The following SLC38A10 variants were observed in gnomAD, a reference collection of about 807,000 sequenced individuals.
SLC38A10 encodes the protein Sodium-coupled neutral amino acid transporter 10.
SLC38A10 carries 53 observed loss-of-function variants against 81.0 expected under a neutral mutation model. That is an observed-to-expected ratio of 0.65 (90% CI 0.53 to 0.82). SLC38A10 has a LOEUF of 0.82. Among genes scored for constraint, SLC38A10 ranks in the 40% least tolerant of loss-of-function variants. The probability of loss-of-function intolerance (pLI) is 0.00; values close to 1 mark genes in which losing one functional copy is unlikely to be tolerated. For missense variants in SLC38A10, 1,471 were observed against 1,545.0 expected (o/e 0.95, Z 0.80); for synonymous variants, 665 against 655.3 (o/e 1.01, Z -0.23).
rs745610886 is a variant in SLC38A10, at chr17:81,253,180, TCCTTCGGCA to T, written c.1340_1348del (p.Leu447_Glu450delinsGln). 1 of 1,613,846 alleles carries T rather than the reference TCCTTCGGCA, an allele frequency of 6.2e-7. No homozygotes were observed. The highest frequency in any genetic ancestry group is 1.1e-5 in the South Asian group (1 of 91,074). The stretch of plus-strand genomic sequence containing the variant: ...CTGGGCCTGCTCCAGCTCCTCTCTC[TCCTTCGGCA>T]GCTTCGGCTTCTCCCGGCCATCCTC... On this transcript the variant is annotated inframe_deletion, in exon 12 of 16. Coordinates refer to ENST00000374759, the MANE Select transcript of SLC38A10 (RefSeq NM_001037984.3). The surrounding 1 kb of genome is among the most constrained non-coding windows in gnomAD (Gnocchi z 4.1).
intron 6 of SLC38A10, among the ~76,000 whole-genome samples, chr17:81,280,381 C>G (rs1165789526): frequency 6.6e-6 from 1 of 152,202 alleles, no homozygotes; most frequent in Non-Finnish European, 1.5e-5. Flanking sequence ...CAGGGACTCT[C>G]ACCAGCTAGT....
intron 1 of SLC38A10, among the ~76,000 whole-genome samples, chr17:81,292,555 C>T (rs78635201): frequency 0.12 from 18,829 of 152,218 alleles, 1,144 homozygotes; most frequent in African/African-American, 0.14. Context: ...CTCCCTGCGC[C>T]CCAGTCCAAG....
rs2062944504 is a variant in SLC38A10 at position 81,253,759 on chromosome 17, ACCG to A, written c.1289-522_1289-520del. Among the ~76,000 whole-genome samples the A allele has an allele frequency of 2.1e-5, 2 of 94,562 alleles. No homozygotes were observed. The highest frequency in any genetic ancestry group is 9.4e-5 in the African/African-American group (2 of 21,354). The allele number at this position is 94,562 out of a possible 152,430, so 62.0% of individuals were successfully genotyped here. A position where few individuals can be genotyped will look rare whatever the true frequency, so the allele number is the denominator to read the frequency against. ...CCCTACCACCATCACCATCATCATC[ACCG>A]TCACCATCATCACCATCTCCATCCC... is the stretch of plus-strand genomic sequence containing the variant. On this transcript the variant is annotated intron_variant, in intron 11 of 15. Transcript: ENST00000374759. The surrounding 1 kb of genome is among the most constrained non-coding windows in gnomAD (Gnocchi z 4.1).
chr17:81,284,874 G>A lies in SLC38A10; in HGVS notation c.239C>T (p.Ala80Val). The change falls in exon 3 of 16, where the codon GCA becomes GTA. Residue 80 changes from alanine to valine, a missense_variant. Ala to Val is a moderately conservative substitution (Grantham distance 64). Coordinates refer to ENST00000374759, the MANE Select transcript of SLC38A10 (RefSeq NM_001037984.3). ...AGLAFHAYGKAGKMLVETSMI... is the reference protein window; with the variant it reads ...AGLAFHAYGKVGKMLVETSMI... ...CCTGGTCTCCACCAGCATCTTGCCT[G>A]CCTTCCCGTAGGCGTGGAATGCTAG... The A allele has an allele frequency of 1.3e-6, 2 of 1,545,442 alleles. No homozygotes were observed.
chr17:81,277,677 G>A lies in SLC38A10; in HGVS notation c.627-544C>T, dbSNP rs1057038280. On this transcript the variant is annotated intron_variant, in intron 6 of 15. Coordinates refer to ENST00000374759, the MANE Select transcript of SLC38A10 (RefSeq NM_001037984.3). The surrounding 1 kb of genome is among the most constrained non-coding windows in gnomAD (Gnocchi z 4.5). ...GCTTCGGTCCCACAGCCTGGTGCCA[G>A]GAGTGTGGTGCTGCTAGGGGTGGGA... Among the ~76,000 whole-genome samples, 6 of 152,268 alleles carry A rather than the reference G, an allele frequency of 3.9e-5. No homozygotes were observed. Among genetic ancestry groups the A allele is most frequent in the African/African-American group, 1.4e-4 (6 of 41,478 alleles).
chr17:81,257,099 G>A (rs2062980062), intron 11 of SLC38A10, among the ~76,000 whole-genome samples: 1 of 152,194 alleles, frequency 6.6e-6, no homozygotes, highest in Admixed American at 6.5e-5. Flanking sequence ...CCCTGCTGGA[G>A]CTCTCCTGCA....
At position 81,245,942 on chromosome 17, in the gene SLC38A10, C is replaced by G. The variant is rs746565852; in HGVS notation, c.2974G>C (p.Asp992His). 1 of 1,606,594 alleles carries G rather than the reference C, an allele frequency of 6.2e-7. No homozygotes were observed. The highest frequency in any genetic ancestry group is 1.1e-5 in the South Asian group (1 of 90,488). The change falls in exon 16 of 16, where the codon GAC (aspartate) becomes CAC (histidine). Residue 992 changes from aspartate (D) to histidine (H), a missense_variant. Physicochemically the swap from Asp to His is moderately conservative, Grantham distance 81 (BLOSUM62 -1). This residue lies in a region of SLC38A10 where 751 missense variants were observed against 717.4 expected (regional missense o/e 1.05). Coordinates refer to ENST00000374759, the MANE Select transcript of SLC38A10 (RefSeq NM_001037984.3). ...TGCTCGTGGGACACAGGCACATGGTCCCCCCCGCGGGCCTTTCTCATCTCC... is the reference window on the plus strand; with the variant it reads ...TGCTCGTGGGACACAGGCACATGGTGCCCCCCGCGGGCCTTTCTCATCTCC... Reference protein sequence around the residue: ...HLEMRKARGGDHVPVSHEQPR... With the variant: ...HLEMRKARGGHHVPVSHEQPR...
chr17:81,282,848 C>T lies in SLC38A10; in HGVS notation c.358-516G>A, dbSNP rs577162608. Reference sequence around the variant, plus strand: ...ATTCCACTCCTGGAGAGGACACCCCCGCCTCAGTGGCCTTTGAAAGCCTTT... The same window carrying T: ...ATTCCACTCCTGGAGAGGACACCCCTGCCTCAGTGGCCTTTGAAAGCCTTT... On this transcript the variant is annotated intron_variant, in intron 4 of 15. Coordinates refer to ENST00000374759, the MANE Select transcript of SLC38A10 (RefSeq NM_001037984.3). Among the ~76,000 whole-genome samples, 4 of 152,336 alleles carry T rather than the reference C, an allele frequency of 2.6e-5. No individual in the cohort carries two copies. The East Asian group carries it at 5.8e-4, about 22-fold the overall frequency.
At position 81,252,373 on chromosome 17, in the gene SLC38A10, G is replaced by C; in HGVS notation, c.1767C>G (p.Val589=). 1 of 1,613,172 alleles carries C rather than the reference G, an allele frequency of 6.2e-7. No homozygotes were observed. Among genetic ancestry groups the C allele is most frequent in the Middle Eastern group, 1.6e-4 (1 of 6,062 alleles). ...KVPEADGQPA[V]QPAKEDLGPG... ...GCCCCAGGTCCTCCTTTGCAGGCTG[G>C]ACAGCTGGCTGACCATCTGCTTCTG... The change falls in exon 13 of 16, where the codon GTC becomes GTG. Residue 589 remains valine (V), a synonymous_variant. Transcript: ENST00000374759.
intron 10 of SLC38A10, among the ~76,000 whole-genome samples, chr17:81,269,623 C>T (rs183013898): frequency 1.8e-3 from 267 of 152,310 alleles, no homozygotes; most frequent in Admixed American, 2.9e-3. Flanking sequence ...CCATAGGGAG[C>T]TCTGGGGTGC....
In SLC38A10 at chr17:81,291,902, C is replaced by T. The variant is rs976524618; in HGVS notation, c.100-2094G>A. Among the ~76,000 whole-genome samples, 5 of 152,312 alleles carry T rather than the reference C, an allele frequency of 3.3e-5. No individual in the cohort carries two copies. The East Asian group carries it at 7.7e-4, about 23-fold the overall frequency. On this transcript the variant is annotated intron_variant, in intron 1 of 15. Coordinates refer to ENST00000374759, the MANE Select transcript of SLC38A10 (RefSeq NM_001037984.3). The stretch of plus-strand genomic sequence containing the variant: ...CTCAGTTCAAACCAGGCAGCACCAC[C>T]GTGGCACACTAGGGGTCAGCAGTGT...
chr17:81,282,094 C>A lies in SLC38A10; in HGVS notation c.501+95G>T, dbSNP rs2063217568. On this transcript the variant is annotated intron_variant, in intron 5 of 15. Coordinates refer to ENST00000374759, the MANE Select transcript of SLC38A10 (RefSeq NM_001037984.3). ...CACATTCCCAGGAGGCAGCAGGCGG[C>A]CACACCAGACCTGGGCACGAGCCTG... is the stretch of plus-strand genomic sequence containing the variant. 5 of 1,554,262 alleles carry A rather than the reference C, an allele frequency of 3.2e-6. No homozygotes were observed. The Admixed American group carries it at 5.1e-5, about 16-fold the overall frequency.
Position 81,265,585 on chromosome 17 carries a change from AGT to A in SLC38A10, c.1132-5193_1132-5192del, listed in dbSNP as rs1567935014. On this transcript the variant is annotated intron_variant, in intron 10 of 15. Transcript: ENST00000374759. The surrounding 1 kb of genome is among the most constrained non-coding windows in gnomAD (Gnocchi z 4.2). ...TCCCTGTCCACCCCAGCATATCACCAGTTGTGGCTCTTCCTGAGGTCCCTGGG... is the reference window on the plus strand; with the variant it reads ...TCCCTGTCCACCCCAGCATATCACCATGTGGCTCTTCCTGAGGTCCCTGGG... 6.6e-6 allele frequency among the ~76,000 whole-genome samples: 1 copy of A among 152,080 alleles called. No homozygotes were observed. Among genetic ancestry groups the A allele is most frequent in the East Asian group, 1.9e-4 (1 of 5,190 alleles).
Position 81,280,715 on chromosome 17 carries a change from TGA to T in SLC38A10, c.518_519del (p.Leu173GlnfsTer47), listed in dbSNP as rs758178603. 1.3e-5 allele frequency: 21 copies of T among 1,613,108 alleles called. No individual in the cohort carries two copies. In the East Asian group the frequency reaches 3.8e-4, roughly 29 times the overall value. On this transcript the variant is annotated frameshift_variant, in exon 6 of 16. Coordinates refer to ENST00000374759, the MANE Select transcript of SLC38A10 (RefSeq NM_001037984.3). LOFTEE classifies it high-confidence loss of function. ...VFMFVIVLSS[L>X]KHGLFSGQWL... ...CACTGCCCACTGAAGAGGCCGTGCT[TGA>T]GAGAGGAGAGCACGATCTGCAGAGG...
intron 8 of SLC38A10, among the ~76,000 whole-genome samples, chr17:81,275,767 C>G (rs1181247993): frequency 6.6e-6 from 1 of 151,314 alleles, no homozygotes; most frequent in Non-Finnish European, 1.5e-5. Context: ...ACGCCATGTG[C>G]CCATCTCCAG....
intron 2 of SLC38A10, among the ~76,000 whole-genome samples, chr17:81,287,147 A>G (rs1047073396): frequency 3.3e-5 from 5 of 152,190 alleles, no homozygotes; most frequent in African/African-American, 1.2e-4. Flanking sequence ...AACACCAACA[A>G]AAAACGACAC....
rs370232927 is a variant in SLC38A10 at position 81,283,514 on chromosome 17, C to T, written c.264-12G>A. ...TCAGCCCGATCATGCTGCACAGGGA[C>T]GGGGGGTACGGGAAATGCCATCAGG... On this transcript the variant is annotated splice_polypyrimidine_tract_variant and intron_variant, in intron 3 of 15. Coordinates refer to ENST00000374759, the MANE Select transcript of SLC38A10 (RefSeq NM_001037984.3). The surrounding 1 kb of genome is among the most constrained non-coding windows in gnomAD (Gnocchi z 4.7). The T allele has an allele frequency of 1.9e-5, 30 of 1,598,646 alleles. No homozygotes were observed. The highest frequency in any genetic ancestry group is 2.7e-5 in the African/African-American group (2 of 74,468).
intron 10 of SLC38A10, among the ~76,000 whole-genome samples, chr17:81,266,481 T>G (rs906711936): frequency 6.6e-6 from 1 of 151,904 alleles, no homozygotes; most frequent in Non-Finnish European, 1.5e-5. Context: ...TAGCCGGGCA[T>G]GGTTGCAGGC....
chr17:81,253,441 G>A lies in SLC38A10; in HGVS notation c.1289-201C>T, dbSNP rs911452555. On this transcript the variant is annotated intron_variant, in intron 11 of 15. Coordinates refer to ENST00000374759, the MANE Select transcript of SLC38A10 (RefSeq NM_001037984.3). This position sits in a 1 kb window ranked among gnomAD's most constrained non-coding sequence, Gnocchi z 4.1. ...TCACAACAAAAATATGTCAAAATGC[G>A]ATTTACACCTAACTGGGGGCAGGGA... 2.0e-5 allele frequency among the ~76,000 whole-genome samples: 3 copies of A among 152,048 alleles called. No homozygotes were observed. Among genetic ancestry groups the A allele is most frequent in the South Asian group, 2.1e-4 (1 of 4,828 alleles).
Sources: allele counts gnomAD v4.1 joint callset (sites outside exome capture counted in the v4.1 genomes callset), GRCh38; gene constraint gnomAD v4.1.1; regional missense constraint gnomAD v4.1.1; non-coding constraint Gnocchi (gnomAD v3.1); transcripts MANE v1.5; gene names NCBI Gene and HGNC (gene_info 2026-07-23, HGNC 2026-07-21).